Variants in SLC25A21 observed in about 807,000 individuals in gnomAD.
SLC25A21 encodes the protein solute carrier family 25 member 21.
In SLC25A21, 47 loss-of-function variants were observed where a neutral mutation model predicts 43.8. That is an observed-to-expected ratio of 1.07 (90% CI 0.85 to 1.37). The LOEUF (loss-of-function observed/expected upper bound fraction) is 1.37, where lower values mean the gene tolerates loss of function less well. Ranked by LOEUF, SLC25A21 falls within the 40% of genes most tolerant of loss-of-function variation. The pLI is 0.00. For synonymous variants in SLC25A21, 131 were observed against 121.3 expected, an observed-to-expected ratio of 1.08 and a Z score of -0.52; for missense variants, 352 against 350.2, an observed-to-expected ratio of 1.00 and a Z score of -0.04.
intron 2 of SLC25A21, among the ~76,000 whole-genome samples, chr14:36,822,255 G>C (rs1009327869): frequency 6.6e-6 from 1 of 152,182 alleles, no homozygotes; most frequent in South Asian, 2.1e-4. Flanking sequence ...AGTCCACCAG[G>C]GTCATGGAGT....
At chr14:36,768,545 A>G (rs1376253373) in intron 3 of SLC25A21, among the ~76,000 whole-genome samples, 1 of 152,060 alleles carries the variant, frequency 6.6e-6, no homozygotes, top group Non-Finnish European at 1.5e-5. Context: ...CATCCCTACT[A>G]TATATGTAAT....
chr14:36,773,214 T>C (rs1318560855), intron 3 of SLC25A21, among the ~76,000 whole-genome samples: 6 of 151,572 alleles, frequency 4.0e-5, no homozygotes, highest in Admixed American at 1.3e-4. Context: ...TACCAGCCAC[T>C]GGGTGGCTAA....
intron 2 of SLC25A21, among the ~76,000 whole-genome samples, chr14:36,871,838 T>C (rs1165097937): frequency 1.3e-5 from 2 of 152,158 alleles, no homozygotes; most frequent in African/African-American, 4.8e-5. Flanking sequence ...CACTTTATTG[T>C]TTTATTCTGA....
chr14:37,147,844 C>CTTTTTTTTTTTTTTTT (rs61239254), intron 1 of SLC25A21, among the ~76,000 whole-genome samples: 3 of 126,252 alleles, frequency 2.4e-5, no homozygotes, highest in Non-Finnish European at 4.7e-5. Context: ...TTTTTCTTTT[C>CTTTTTTTTTTTTTTTT]TTTTTTTTTT....
intron 1 of SLC25A21, among the ~76,000 whole-genome samples, chr14:36,893,328 T>C (rs999212604): frequency 2.9e-4 from 44 of 152,366 alleles, no homozygotes; most frequent in African/African-American, 1.1e-3. Flanking sequence ...CATGTGTCTG[T>C]TGGCTGCATA....
chr14:37,104,345 C>G (rs1001744159), intron 1 of SLC25A21, among the ~76,000 whole-genome samples: 3 of 152,144 alleles, frequency 2.0e-5, no homozygotes, highest in Admixed American at 2.0e-4. Context: ...TGATCTCGGC[C>G]TTCTCAGCCT....
At chr14:36,691,501 A>C (rs903129828) in intron 7 of SLC25A21, among the ~76,000 whole-genome samples, 1 of 152,196 alleles carries the variant, frequency 6.6e-6, no homozygotes, top group African/African-American at 2.4e-5. Context: ...GATGTTCCTC[A>C]CCAATAAGCC....
At chr14:36,869,474 A>G (rs1363982775) in intron 2 of SLC25A21, among the ~76,000 whole-genome samples, 1 of 152,198 alleles carries the variant, frequency 6.6e-6, no homozygotes, top group Non-Finnish European at 1.5e-5. Flanking sequence ...CTAAGTACCT[A>G]AAGAAGGGAT....
At chr14:36,766,846 C>T (rs1022152086) in intron 3 of SLC25A21, among the ~76,000 whole-genome samples, 3 of 152,086 alleles carry the variant, frequency 2.0e-5, no homozygotes, top group African/African-American at 7.2e-5. Flanking sequence ...AAGAGGAGGA[C>T]GTTAGGATTG....
chr14:37,063,568 G>C (rs188351394), intron 1 of SLC25A21, among the ~76,000 whole-genome samples: 1 of 152,130 alleles, frequency 6.6e-6, no homozygotes, highest in East Asian at 1.9e-4. Flanking sequence ...TACTGCAAAA[G>C]CACAACTGAG....
At chr14:36,792,990 G>A (rs1887543362) in intron 3 of SLC25A21, among the ~76,000 whole-genome samples, 4 of 152,176 alleles carry the variant, frequency 2.6e-5, no homozygotes, top group South Asian at 2.1e-4. Flanking sequence ...GTTCTTATTT[G>A]CTAATCTTTG....
chr14:37,118,080 G>A (rs1469570375), intron 1 of SLC25A21, among the ~76,000 whole-genome samples: 2 of 151,990 alleles, frequency 1.3e-5, no homozygotes, highest in Non-Finnish European at 2.9e-5. Context: ...ACCAAGTTAG[G>A]AGGATGGTAG....
At chr14:36,787,992 T>C (rs1392732344) in intron 3 of SLC25A21, among the ~76,000 whole-genome samples, 1 of 152,210 alleles carries the variant, frequency 6.6e-6, no homozygotes, top group Middle Eastern at 3.2e-3. Context: ...ATGTGGACGC[T>C]AAGCAACTAT....
At chr14:37,147,725 C>T (rs1963690628) in intron 1 of SLC25A21, among the ~76,000 whole-genome samples, 1 of 151,512 alleles carries the variant, frequency 6.6e-6, no homozygotes, top group Non-Finnish European at 1.5e-5. Context: ...GCATTCTGAC[C>T]TCAAACTCAC....
rs1319087226 is a variant in SLC25A21 at position 37,040,371 on chromosome 14, GAGAGAA to G, written c.70+131904_70+131909del. Among the ~76,000 whole-genome samples, 72 of 40,114 alleles carry G rather than the reference GAGAGAA, an allele frequency of 1.8e-3. 2 individuals are homozygous for G. The highest frequency in any genetic ancestry group is 5.1e-3 in the East Asian group (8 of 1,568). The allele number at this position is 40,114 out of a possible 152,430, so 26.3% of individuals were successfully genotyped here. A position where few individuals can be genotyped will look rare whatever the true frequency, so the allele number is the denominator to read the frequency against. Reference sequence around the variant, plus strand: ...AAGGAAGGAAAGAAAGAGAGAGAGAGAGAGAAAGAAAGAAAGAAAGAAAGAAAGAAA... The same window carrying G: ...AAGGAAGGAAAGAAAGAGAGAGAGAGAGAAAGAAAGAAAGAAAGAAAGAAA... On this transcript the variant is annotated intron_variant, in intron 1 of 9. Transcript: ENST00000331299.
chr14:36,684,954 A>G, intron 7 of SLC25A21, 29 bp from the exon 8 acceptor site: 3 of 1,587,144 alleles, frequency 1.9e-6, no homozygotes, highest in Non-Finnish European at 1.7e-6. Context: ...AATATAACAG[A>G]AAGGGGAGCG....
intron 7 of SLC25A21, among the ~76,000 whole-genome samples, chr14:36,709,465 A>C (rs947667268): frequency 6.6e-6 from 1 of 152,178 alleles, no homozygotes; most frequent in African/African-American, 2.4e-5. Context: ...TATTGCACTC[A>C]TTTTCTATAT....
At chr14:36,793,577 T>C (rs140179476) in intron 3 of SLC25A21, among the ~76,000 whole-genome samples, 157 of 148,880 alleles carry the variant, frequency 1.1e-3, no homozygotes, top group African/African-American at 3.7e-3. Flanking sequence ...GATGGTCTCA[T>C]ACATGTCATG....
At chr14:36,927,348 A>C (rs1209335316) in intron 1 of SLC25A21, among the ~76,000 whole-genome samples, 3 of 152,204 alleles carry the variant, frequency 2.0e-5, no homozygotes, top group South Asian at 2.1e-4. Flanking sequence ...ACAAATCTGC[A>C]TGCTTTCAAT....
Sources: gnomAD v4.1 joint callset for allele counts (sites outside exome capture counted in the v4.1 genomes callset) on GRCh38, gnomAD v4.1.1 for gene constraint, MANE v1.5 for transcripts, NCBI Gene and HGNC (gene_info 2026-07-23, HGNC 2026-07-21) for gene names.